MAP6: variants seen among roughly 807,000 people sequenced by gnomAD.
MAP6 encodes the protein microtubule associated protein 6, also known as microtubule-associated protein 6.
MAP6 carries 26 observed loss-of-function variants against 42.4 expected under a neutral mutation model. That is an observed-to-expected ratio of 0.61 (90% CI 0.45 to 0.85). The LOEUF (loss-of-function observed/expected upper bound fraction) is 0.85, where lower values mean the gene tolerates loss of function less well. MAP6 is among the 40% of genes least tolerant of loss of function. The probability of loss-of-function intolerance (pLI) is 0.00; values close to 1 mark genes in which losing one functional copy is unlikely to be tolerated. For synonymous variants in MAP6, 418 were observed against 443.8 expected (o/e 0.94, Z 0.73); for missense variants, 966 against 1,099.0 (o/e 0.88, Z 1.71).
intron 1 of MAP6, among the ~76,000 whole-genome samples, chr11:75,653,166 G>C (rs761133379): frequency 6.6e-6 from 1 of 152,158 alleles, no homozygotes; most frequent in Non-Finnish European, 1.5e-5. Context: ...CAATTCACTC[G>C]CCGAGAGTCA....
At position 75,617,688 on chromosome 11, in the gene MAP6, G is replaced by T. The variant is rs1943023745; in HGVS notation, c.906-9366C>A. Among the ~76,000 whole-genome samples, 3 of 152,010 alleles carry T rather than the reference G, an allele frequency of 2.0e-5. No individual in the cohort carries two copies. The South Asian group carries it at 6.2e-4, about 32-fold the overall frequency. ...GGAGGATAAGAGTGGGGGAGTGTGAGAGTTAAGACAAGTACACTTACAAAT... is the reference window on the plus strand; with the variant it reads ...GGAGGATAAGAGTGGGGGAGTGTGATAGTTAAGACAAGTACACTTACAAAT... On this transcript the variant is annotated intron_variant, in intron 1 of 3. Coordinates refer to ENST00000304771, the MANE Select transcript of MAP6 (RefSeq NM_033063.2).
chr11:75,668,551 G>A lies in MAP6; in HGVS notation c.-182C>T. On this transcript the variant is annotated 5_prime_UTR_variant, in exon 1 of 4. Transcript: ENST00000304771. ...GCACCCGGGGAGAGCTGTCCTAGGA[G>A]AGTCTGTAGAGTCCCTCGATTACCG... The A allele has an allele frequency of 1.4e-6, 1 of 726,090 alleles. No individual in the cohort carries two copies. Among genetic ancestry groups the A allele is most frequent in the Admixed American group, 4.4e-5 (1 of 22,966 alleles). 45.0% of individuals were successfully genotyped at this position (726,090 alleles called of 1,614,324 possible). A position where few individuals can be genotyped will look rare whatever the true frequency, so the allele number is the denominator to read the frequency against.
Position 75,667,390 on chromosome 11 carries a change from G to T in MAP6, c.905+75C>A. On this transcript the variant is annotated intron_variant, in intron 1 of 3. Transcript: ENST00000304771. This position sits in a 1 kb window ranked among gnomAD's most constrained non-coding sequence, Gnocchi z 5.6. The stretch of plus-strand genomic sequence containing the variant: ...GGCTGCACGCTAGGCCTGCGCTGGG[G>T]ATCCTGGGCCCCGGGCAGCCCGCGG... The T allele has an allele frequency of 7.6e-7, 1 of 1,318,598 alleles. No individual in the cohort carries two copies. The allele number at this position is 1,318,598 out of a possible 1,614,324, so 81.7% of individuals were successfully genotyped here.
intron 1 of MAP6, among the ~76,000 whole-genome samples, chr11:75,614,986 T>A (rs1942973019): frequency 6.6e-6 from 1 of 152,132 alleles, no homozygotes; most frequent in African/African-American, 2.4e-5. Flanking sequence ...CTTTAGAAGG[T>A]AGCAAAACCT....
At chr11:75,632,611 G>T (rs1943302065) in intron 1 of MAP6, among the ~76,000 whole-genome samples, 1 of 152,144 alleles carries the variant, frequency 6.6e-6, no homozygotes. Context: ...AAAGAAGATA[G>T]ATACAAGGAC....
intron 3 of MAP6, among the ~76,000 whole-genome samples, chr11:75,597,880 G>A (rs1026655196): frequency 2.0e-5 from 3 of 152,212 alleles, no homozygotes; most frequent in Non-Finnish European, 4.4e-5. Context: ...GATTCACCTT[G>A]TGTAGCTCCA....
intron 1 of MAP6, among the ~76,000 whole-genome samples, chr11:75,665,480 G>A (rs1295804216): frequency 6.6e-6 from 1 of 152,206 alleles, no homozygotes; most frequent in South Asian, 2.1e-4. Context: ...GGTGAGAAGA[G>A]ACAGCTCCTG....
chr11:75,609,405 T>C (rs1044576988), intron 1 of MAP6, among the ~76,000 whole-genome samples: 3 of 152,186 alleles, frequency 2.0e-5, no homozygotes, highest in Admixed American at 1.3e-4. Context: ...CAAGTCCCAC[T>C]GTCTCCCTCA....
chr11:75,590,904 T>G (rs905447736), intron 3 of MAP6, among the ~76,000 whole-genome samples: 8 of 151,086 alleles, frequency 5.3e-5, no homozygotes, highest in African/African-American at 1.5e-4. Flanking sequence ...GAGGTGGAGG[T>G]GGCAGTGAGC....
intron 3 of MAP6, among the ~76,000 whole-genome samples, chr11:75,592,707 A>G (rs1369793824): frequency 2.0e-5 from 3 of 152,226 alleles, no homozygotes; most frequent in Non-Finnish European, 4.4e-5. Flanking sequence ...ATCTTTTAAG[A>G]GAGCAAACCC....
chr11:75,648,526 C>G (rs1426713495), intron 1 of MAP6, among the ~76,000 whole-genome samples: 1 of 151,342 alleles, frequency 6.6e-6, no homozygotes, highest in Non-Finnish European at 1.5e-5. Context: ...AACAAACAAA[C>G]AGAAAATTAT....
intron 3 of MAP6, chr11:75,605,290 T>G (rs1942740643): frequency 1.0e-6 from 1 of 986,162 alleles, no homozygotes; most frequent in African/African-American, 1.7e-5. Flanking sequence ...GCCAAGGTTG[T>G]TTCTTTTTTT....
chr11:75,652,595 T>C (rs1943666408), intron 1 of MAP6, among the ~76,000 whole-genome samples: 1 of 152,040 alleles, frequency 6.6e-6, no homozygotes, highest in African/African-American at 2.4e-5. Flanking sequence ...CCCAGCACTT[T>C]AAGAGGCCGA....
intron 1 of MAP6, among the ~76,000 whole-genome samples, chr11:75,621,702 C>CA (rs56167440): frequency 1 from 152,087 of 152,094 alleles, 76,040 homozygotes; most frequent in Middle Eastern, 1. Context: ...AAAGAAGACA[C>CA]AAACTGTCAT....
chr11:75,604,457 C>T (rs1271591106), intron 3 of MAP6: 9 of 985,396 alleles, frequency 9.1e-6, no homozygotes, highest in East Asian at 2.3e-4. Context: ...TGACACCGGA[C>T]GGCAGCCCAG....
At chr11:75,605,586 T>C in intron 3 of MAP6, 1 of 1,336,600 alleles carries the variant, frequency 7.5e-7, no homozygotes. Flanking sequence ...TTCCTGGTGC[T>C]CCAGGGGCTG....
chr11:75,617,685 TG>T lies in MAP6; in HGVS notation c.906-9364del, dbSNP rs1943023606. Reference sequence around the variant, plus strand: ...GGTGGAGGATAAGAGTGGGGGAGTGTGAGAGTTAAGACAAGTACACTTACAA... The same window carrying T: ...GGTGGAGGATAAGAGTGGGGGAGTGTAGAGTTAAGACAAGTACACTTACAA... On this transcript the variant is annotated intron_variant, in intron 1 of 3. Transcript: ENST00000304771. Among the ~76,000 whole-genome samples, 3 of 151,598 alleles carry T rather than the reference TG, an allele frequency of 2.0e-5. No individual in the cohort carries two copies. In the South Asian group the frequency reaches 6.2e-4, roughly 32 times the overall value.
At chr11:75,637,896 G>GA (rs1943397498) in intron 1 of MAP6, among the ~76,000 whole-genome samples, 1 of 144,880 alleles carries the variant, frequency 6.9e-6, no homozygotes, top group Non-Finnish European at 1.5e-5. Context: ...CTGAGGGAGG[G>GA]AGGGAGGGAA....
intron 3 of MAP6, chr11:75,603,204 G>A: frequency 1.0e-6 from 1 of 985,504 alleles, no homozygotes; most frequent in Non-Finnish European, 1.2e-6. Context: ...TGCAGGCAGG[G>A]AAACAGCGGG....
Sources: allele counts gnomAD v4.1 joint callset (sites outside exome capture counted in the v4.1 genomes callset), GRCh38; gene constraint gnomAD v4.1.1; non-coding constraint Gnocchi (gnomAD v3.1); transcripts MANE v1.5; gene names NCBI Gene and HGNC (gene_info 2026-07-23, HGNC 2026-07-21).